The following KCNMB2 variants were observed in gnomAD, a reference collection of about 807,000 sequenced individuals.
The protein encoded by KCNMB2 is calcium-activated potassium channel subunit beta-2.
Under a neutral mutation model 24.5 loss-of-function variants are expected in KCNMB2, and 9 were observed. The ratio of observed to expected loss-of-function variants is 0.37; its 90% CI spans 0.22 to 0.64. The LOEUF is 0.64. Ranked by LOEUF, KCNMB2 falls within the 30% of genes least tolerant of loss-of-function variation. The pLI, the probability that KCNMB2 is intolerant of heterozygous loss-of-function variation, is 0.63. For synonymous variants in KCNMB2, 109 were observed against 104.4 expected (o/e 1.04, Z -0.27); for missense variants, 226 against 284.3 (o/e 0.79, Z 1.47).
chr3:178,688,294 T>C (rs1449103821), intron 1 of KCNMB2, among the ~76,000 whole-genome samples: 1 of 152,196 alleles, frequency 6.6e-6, no homozygotes, highest in Non-Finnish European at 1.5e-5. Flanking sequence ...AGTTGTAGCC[T>C]GAATTTTAAA....
chr3:178,541,944 C>T (rs941463735), intron 1 of KCNMB2, among the ~76,000 whole-genome samples: 25 of 152,120 alleles, frequency 1.6e-4, no homozygotes, highest in African/African-American at 4.6e-4. Flanking sequence ...TGCTCTGCTC[C>T]GACTCCAGCC....
intron 1 of KCNMB2, among the ~76,000 whole-genome samples, chr3:178,590,759 A>G (rs1717640156): frequency 1.3e-5 from 2 of 152,178 alleles, no homozygotes; most frequent in Admixed American, 1.3e-4. Flanking sequence ...AGAGTACATC[A>G]TGACTGGTCA....
intron 1 of KCNMB2, among the ~76,000 whole-genome samples, chr3:178,671,310 C>A (rs761777178): frequency 9.9e-5 from 15 of 152,120 alleles, no homozygotes; most frequent in Non-Finnish European, 1.9e-4. Flanking sequence ...ACAAGAAAAA[C>A]CACTTTTCAG....
intron 1 of KCNMB2, among the ~76,000 whole-genome samples, chr3:178,576,589 C>T (rs536214399): frequency 6.6e-6 from 1 of 152,336 alleles, no homozygotes; most frequent in African/African-American, 2.4e-5. Flanking sequence ...CTAAGATCCC[C>T]TGGCTTGAAA....
At chr3:178,554,745 G>A (rs929706004) in intron 1 of KCNMB2, among the ~76,000 whole-genome samples, 1 of 152,200 alleles carries the variant, frequency 6.6e-6, no homozygotes, top group Non-Finnish European at 1.5e-5. Context: ...TAAGAAACTA[G>A]GGTTGATAAA....
chr3:178,748,582 A>G (rs1260703903), intron 1 of KCNMB2: 1 of 152,200 alleles, frequency 6.6e-6, no homozygotes, highest in African/African-American at 2.4e-5. Flanking sequence ...CTAAGTAGAG[A>G]GTTTGTATAA....
intron 1 of KCNMB2, among the ~76,000 whole-genome samples, chr3:178,723,168 T>A (rs1043967156): frequency 1.3e-5 from 2 of 152,194 alleles, no homozygotes; most frequent in African/African-American, 4.8e-5. Flanking sequence ...CAACTTAGTT[T>A]TTCATTTTCA....
chr3:178,797,266 C>T lies in KCNMB2; in HGVS notation c.-67-10077C>T, dbSNP rs138844523. Among the ~76,000 whole-genome samples the T allele has an allele frequency of 9.3e-4, 142 of 152,076 alleles. 3 individuals carry two copies. The highest frequency in any genetic ancestry group is 3.3e-3 in the African/African-American group (138 of 41,484). ...TAAAAAGCTTCCTGCAAAGAAAAGC[C>T]CAGGACCTAATGGCTTCACTGCTGA... On this transcript the variant is annotated intron_variant, in intron 1 of 4. Coordinates refer to ENST00000452583, the MANE Select transcript of KCNMB2 (RefSeq NM_181361.3).
Position 178,796,000 on chromosome 3 carries a change from A to G in KCNMB2, c.-67-11343A>G, listed in dbSNP as rs566224115. Among the ~76,000 whole-genome samples the G allele has an allele frequency of 2.0e-5, 3 of 152,298 alleles. 1 individual carries two copies. The East Asian group carries it at 5.8e-4, about 29-fold the overall frequency. ...GTTTGCTGATGATGAACAGCTGGAC[A>G]GCGCTCTGGAAATGTCACCATGGGT... On this transcript the variant is annotated intron_variant, in intron 1 of 4. Coordinates refer to ENST00000452583, the MANE Select transcript of KCNMB2 (RefSeq NM_181361.3).
intron 1 of KCNMB2, among the ~76,000 whole-genome samples, chr3:178,599,839 C>A (rs1718015721): frequency 6.6e-6 from 1 of 152,146 alleles, no homozygotes; most frequent in Non-Finnish European, 1.5e-5. Context: ...CTAGATACCT[C>A]ATACAAGACA....
chr3:178,726,376 T>C (rs1407725473), intron 1 of KCNMB2, among the ~76,000 whole-genome samples: 1 of 152,020 alleles, frequency 6.6e-6, no homozygotes, highest in East Asian at 1.9e-4. Context: ...TGTTGGTCTT[T>C]TCTCATTTGT....
intron 2 of KCNMB2, among the ~76,000 whole-genome samples, chr3:178,808,925 AAAT>A (rs1255211168): frequency 6.6e-6 from 1 of 152,216 alleles, no homozygotes; most frequent in Non-Finnish European, 1.5e-5. Flanking sequence ...CCCAGAAGGC[AAAT>A]AATGTTGCCT....
At chr3:178,687,542 G>A (rs77949521) in intron 1 of KCNMB2, among the ~76,000 whole-genome samples, 4,972 of 151,196 alleles carry the variant, frequency 0.033, 227 homozygotes, top group East Asian at 0.18. Context: ...GGAATCAAGT[G>A]AATAAAACAA....
chr3:178,629,438 A>G (rs575244495), intron 1 of KCNMB2, among the ~76,000 whole-genome samples: 11 of 152,320 alleles, frequency 7.2e-5, no homozygotes, highest in African/African-American at 2.6e-4. Context: ...GGCGCTGGGT[A>G]AAGTTCAAGA....
intron 1 of KCNMB2, among the ~76,000 whole-genome samples, chr3:178,761,626 TC>T (rs1257919660): frequency 3.9e-5 from 6 of 152,058 alleles, no homozygotes; most frequent in Non-Finnish European, 8.8e-5. Flanking sequence ...AATCCTCCCA[TC>T]CATAAAGAGT....
chr3:178,807,690 A>G (rs1029889953), intron 2 of KCNMB2, among the ~76,000 whole-genome samples: 1 of 152,110 alleles, frequency 6.6e-6, no homozygotes, highest in Admixed American at 6.5e-5. Flanking sequence ...CCTGTCAGAA[A>G]TTCCCATGTC....
At chr3:178,725,197 T>C (rs533531014) in intron 1 of KCNMB2, among the ~76,000 whole-genome samples, 1 of 152,100 alleles carries the variant, frequency 6.6e-6, no homozygotes, top group Admixed American at 6.6e-5. Flanking sequence ...GTTTAGGCAA[T>C]GTTTTATAGT....
intron 1 of KCNMB2, among the ~76,000 whole-genome samples, chr3:178,631,538 T>C (rs879768157): frequency 4.6e-5 from 7 of 152,204 alleles, no homozygotes; most frequent in African/African-American, 7.2e-5. Flanking sequence ...AAATAACACA[T>C]GGTGAACACT....
chr3:178,831,790 A>G (rs563002563), intron 4 of KCNMB2, among the ~76,000 whole-genome samples: 79 of 152,236 alleles, frequency 5.2e-4, no homozygotes, highest in African/African-American at 1.7e-3. Context: ...AAAACTACAT[A>G]GGGTACTATG....
Sources: allele counts gnomAD v4.1 joint callset (sites outside exome capture counted in the v4.1 genomes callset), GRCh38; gene constraint gnomAD v4.1.1; transcripts MANE v1.5; gene names NCBI Gene and HGNC (gene_info 2026-07-23, HGNC 2026-07-21).